Variants in PIK3CD observed in about 807,000 individuals in gnomAD.
PIK3CD encodes the protein phosphatidylinositol-4,5-bisphosphate 3-kinase catalytic subunit delta, also known as phosphatidylinositol 4,5-bisphosphate 3-kinase catalytic subunit delta isoform.
A neutral mutation model predicts 122.9 loss-of-function variants in PIK3CD; 20 were observed. The ratio of observed to expected loss-of-function variants is 0.16; its 90% CI spans 0.11 to 0.24. The LOEUF is 0.24. Among genes scored for constraint, PIK3CD ranks in the 10% least tolerant of loss-of-function variants. The pLI, the probability that PIK3CD is intolerant of heterozygous loss-of-function variation, is 1.00. For missense variants in PIK3CD, 787 were observed against 1,406.3 expected, an observed-to-expected ratio of 0.56 and a Z score of 7.04; for synonymous variants, 596 against 593.4, an observed-to-expected ratio of 1.00 and a Z score of -0.06.
rs1334322927 is a variant in PIK3CD, at chr1:9,704,805, C to T, written c.-32-5619C>T. ...CTGGGATTACAGGCGTGAGCCACCA[C>T]GCCCAGCCGGTCCCCCAAGTTTTGA... is the stretch of plus-strand genomic sequence containing the variant. On this transcript the variant is annotated intron_variant, in intron 2 of 23. Coordinates refer to ENST00000377346, the MANE Select transcript of PIK3CD (RefSeq NM_005026.5). The surrounding 1 kb of genome is among the most constrained non-coding windows in gnomAD (Gnocchi z 5.0). Among the ~76,000 whole-genome samples the T allele has an allele frequency of 3.3e-5, 5 of 152,252 alleles. No individual in the cohort carries two copies. Among genetic ancestry groups the T allele is most frequent in the Admixed American group, 1.3e-4 (2 of 15,286 alleles).
intron 1 of PIK3CD, among the ~76,000 whole-genome samples, chr1:9,676,466 C>T (rs1227978951): frequency 2.0e-5 from 3 of 152,232 alleles, no homozygotes; most frequent in African/African-American, 7.2e-5. Context: ...GGTGCCTGGC[C>T]CTTCCCCAGT....
intron 1 of PIK3CD, among the ~76,000 whole-genome samples, chr1:9,668,100 T>C (rs762579666): frequency 1.3e-5 from 2 of 152,020 alleles, no homozygotes; most frequent in Non-Finnish European, 2.9e-5. Context: ...GCTTTCTTTC[T>C]CTTTACTGGC....
At position 9,685,740 on chromosome 1, in the gene PIK3CD, A is replaced by G. The variant is rs372379130; in HGVS notation, c.-137-5727A>G. The stretch of plus-strand genomic sequence containing the variant: ...AGTGCAGTGACTATTGACAGGTGCT[A>G]TCAATAGCGCACTGCAGCCTCAAAC... On this transcript the variant is annotated intron_variant, in intron 1 of 23. Coordinates refer to ENST00000377346, the MANE Select transcript of PIK3CD (RefSeq NM_005026.5). 6.6e-5 allele frequency among the ~76,000 whole-genome samples: 10 copies of G among 152,238 alleles called. No individual in the cohort carries two copies. In the East Asian group the frequency reaches 1.9e-3, roughly 29 times the overall value.
chr1:9,697,255 AC>A (rs1232468132), intron 2 of PIK3CD, among the ~76,000 whole-genome samples: 1 of 151,982 alleles, frequency 6.6e-6, no homozygotes, highest in Non-Finnish European at 1.5e-5. Flanking sequence ...ATAAAAACAC[AC>A]AAAAATTTTA....
chr1:9,690,452 G>C (rs554811387), intron 1 of PIK3CD, among the ~76,000 whole-genome samples: 2 of 152,290 alleles, frequency 1.3e-5, no homozygotes, highest in South Asian at 4.1e-4. Flanking sequence ...CGTGGTAACG[G>C]GTATTGGCCA....
At chr1:9,628,547 G>T in the PIK3CD span, among the ~76,000 whole-genome samples, 7 of 152,232 alleles carry the variant, frequency 4.6e-5, no homozygotes, top group Non-Finnish European at 1.0e-4. Context: ...TGGGAAAGGC[G>T]CCCCTGCCGT....
intron 1 of PIK3CD, among the ~76,000 whole-genome samples, chr1:9,664,598 T>G (rs1400527712): frequency 6.6e-6 from 1 of 152,162 alleles, no homozygotes; most frequent in East Asian, 1.9e-4. Flanking sequence ...TTGATCAGAT[T>G]GGCATCTTTG....
intron 1 of PIK3CD, among the ~76,000 whole-genome samples, chr1:9,673,879 C>T (rs1016270114): frequency 6.6e-6 from 1 of 152,142 alleles, no homozygotes; most frequent in Non-Finnish European, 1.5e-5. Context: ...GGTGCACCCT[C>T]TTATGTAATA....
In PIK3CD at chr1:9,696,354, A is replaced by G. The variant is rs150139323; in HGVS notation, c.-33+4783A>G. 2.0e-4 allele frequency among the ~76,000 whole-genome samples: 30 copies of G among 152,244 alleles called. No homozygotes were observed. The East Asian group carries it at 5.6e-3, about 28-fold the overall frequency. On this transcript the variant is annotated intron_variant, in intron 2 of 23. Transcript: ENST00000377346. ...TGTAATCCCAACACTTTGGAGCCCA[A>G]GGCAGGAGGATCACTTGAGCCCAGG...
Position 9,715,826 on chromosome 1 carries a change from A to AGC in PIK3CD, c.371-23_371-22insGC. 1 of 1,187,956 alleles carries AGC rather than the reference A, an allele frequency of 8.4e-7. No homozygotes were observed. The highest frequency in any genetic ancestry group is 1.3e-6 in the Non-Finnish European group (1 of 793,776). The allele number at this position is 1,187,956 out of a possible 1,614,324, so 73.6% of individuals were successfully genotyped here. On this transcript the variant is annotated intron_variant, in intron 4 of 23. Coordinates refer to ENST00000377346, the MANE Select transcript of PIK3CD (RefSeq NM_005026.5). This position sits in a 1 kb window ranked among gnomAD's most constrained non-coding sequence, Gnocchi z 4.1. ...CTGGCCCTGCCTGCCCCACCCGCTG[A>AGC]CCCAGCCCTCCCCACCCCGCAGGCC...
At position 9,715,949 on chromosome 1, in the gene PIK3CD, G is replaced by A; in HGVS notation, c.471G>A (p.Leu157=). ...CEEAAARRQQ[L]GWEAWLQYSF... The stretch of plus-strand genomic sequence containing the variant: ...AGGCGGCCGCCCGCCGGCAGCAGCT[G>A]GGCTGGGAGGCCTGGCTGCAGTACA... The change falls in exon 5 of 24, where the codon CTG becomes CTA. Residue 157 remains leucine, a synonymous_variant. Transcript: ENST00000377346. This position sits in a 1 kb window ranked among gnomAD's most constrained non-coding sequence, Gnocchi z 4.1. 1.2e-6 allele frequency: 2 copies of A among 1,612,426 alleles called. No homozygotes were observed. The highest frequency in any genetic ancestry group is 1.7e-6 in the Non-Finnish European group (2 of 1,179,840).
chr1:9,650,228 C>A (rs1557583385), upstream of PIK3CD, among the ~76,000 whole-genome samples: 1 of 152,030 alleles, frequency 6.6e-6, no homozygotes, highest in Non-Finnish European at 1.5e-5. Context: ...TCAAGACCAG[C>A]CTGGTGAACA....
intron 23 of PIK3CD, among the ~76,000 whole-genome samples, chr1:9,726,285 A>G (rs185747311): frequency 0.012 from 1,854 of 152,050 alleles, 19 homozygotes; most frequent in Non-Finnish European, 0.018. Context: ...AAGGCGGGTG[A>G]ATCATGAGGT....
At position 9,720,954 on chromosome 1, in the gene PIK3CD, C is replaced by T; in HGVS notation, c.1689+45C>T. ...TGGGGGCGGAGCTGGGGGCAGACCACAGCCTCTGGCTACCCACCACCCTGA... is the reference window on the plus strand; with the variant it reads ...TGGGGGCGGAGCTGGGGGCAGACCATAGCCTCTGGCTACCCACCACCCTGA... On this transcript the variant is annotated intron_variant, in intron 13 of 23. Transcript: ENST00000377346. The surrounding 1 kb of genome is among the most constrained non-coding windows in gnomAD (Gnocchi z 9.0). 2 of 1,537,892 alleles carry T rather than the reference C, an allele frequency of 1.3e-6. No homozygotes were observed. The highest frequency in any genetic ancestry group is 1.8e-6 in the Non-Finnish European group (2 of 1,138,272).
At chr1:9,630,384 CT>C in the PIK3CD span, among the ~76,000 whole-genome samples, 1 of 152,238 alleles carries the variant, frequency 6.6e-6, no homozygotes, top group Non-Finnish European at 1.5e-5. Flanking sequence ...CTACAGCCCC[CT>C]GGCCCCTGGG....
rs1553170592 is a variant in PIK3CD, at chr1:9,721,278, T to C, written c.1811+30T>C. 8.1e-6 allele frequency: 13 copies of C among 1,612,784 alleles called. No individual in the cohort carries two copies. In the South Asian group the frequency reaches 1.4e-4, roughly 18 times the overall value. ...GTCCCAGCTGGGCGCTCCCCACTTC[T>C]CCAGAGGGCAGCTGTGTCCTGGCTG... On this transcript the variant is annotated intron_variant, in intron 14 of 23. Coordinates refer to ENST00000377346, the MANE Select transcript of PIK3CD (RefSeq NM_005026.5).
Position 9,722,397 on chromosome 1 carries a change from G to T in PIK3CD, c.2347+41G>T. The T allele has an allele frequency of 1.9e-6, 3 of 1,563,512 alleles. No individual in the cohort carries two copies. Among genetic ancestry groups the T allele is most frequent in the Non-Finnish European group, 2.6e-6 (3 of 1,137,496 alleles). On this transcript the variant is annotated intron_variant, in intron 18 of 23. Coordinates refer to ENST00000377346, the MANE Select transcript of PIK3CD (RefSeq NM_005026.5). This position sits in a 1 kb window ranked among gnomAD's most constrained non-coding sequence, Gnocchi z 7.6. ...CCCCACACCCCGCCTGTACTGCCCT[G>T]GGGGGTCCTGGGGTGCTCCTAGAGT...
the PIK3CD span, among the ~76,000 whole-genome samples, chr1:9,637,396 G>T: frequency 2.8e-4 from 43 of 152,226 alleles, no homozygotes; most frequent in African/African-American, 8.9e-4. Flanking sequence ...AGGCATGGTG[G>T]TGTGCACCTA....
At chr1:9,629,928 T>G in the PIK3CD span, among the ~76,000 whole-genome samples, 2 of 149,486 alleles carry the variant, frequency 1.3e-5, no homozygotes, top group African/African-American at 2.5e-5. Flanking sequence ...GAGGGGGGAG[T>G]GGGGGCGGAG....
Sources: allele counts gnomAD v4.1 joint callset (sites outside exome capture counted in the v4.1 genomes callset), GRCh38; gene constraint gnomAD v4.1.1; non-coding constraint Gnocchi (gnomAD v3.1); transcripts MANE v1.5; gene names NCBI Gene and HGNC (gene_info 2026-07-23, HGNC 2026-07-21).